The following SP4 variants were observed in gnomAD, a reference collection of about 807,000 sequenced individuals.
The protein encoded by SP4 is transcription factor Sp4.
A neutral mutation model predicts 72.8 loss-of-function variants in SP4; 19 were observed. The observed-to-expected ratio is 0.26, with a 90% CI of 0.18 to 0.38. SP4 has a LOEUF of 0.38. Ranked by LOEUF, SP4 falls within the 10% of genes least tolerant of loss-of-function variation. SP4 has a pLI of 1.00. For synonymous variants in SP4, 395 were observed against 333.1 expected (o/e 1.19, Z -2.02); for missense variants, 1,008 against 926.3 (o/e 1.09, Z -1.14).
chr7:21,438,156 C>G (rs1376611497), intron 3 of SP4, among the ~76,000 whole-genome samples: 2 of 151,972 alleles, frequency 1.3e-5, no homozygotes, highest in African/African-American at 2.4e-5. Flanking sequence ...GGATGTTCAT[C>G]GGTCAAAGAT....
chr7:21,457,767 A>T (rs537415962), intron 3 of SP4, among the ~76,000 whole-genome samples: 2 of 151,856 alleles, frequency 1.3e-5, no homozygotes, highest in East Asian at 1.9e-4. Flanking sequence ...TTTTTTTTCA[A>T]TAGGGGTGTG....
intron 4 of SP4, among the ~76,000 whole-genome samples, chr7:21,478,995 G>A (rs927605104): frequency 6.6e-6 from 1 of 151,736 alleles, no homozygotes; most frequent in African/African-American, 2.4e-5. Context: ...TTGAACCCAG[G>A]AGGCGGAGGT....
At chr7:21,463,762 T>G (rs1583410839) in intron 3 of SP4, among the ~76,000 whole-genome samples, 1 of 152,338 alleles carries the variant, frequency 6.6e-6, no homozygotes, top group East Asian at 1.9e-4. Flanking sequence ...GAACTGATTT[T>G]TTTTCCAAAC....
At position 21,428,202 on chromosome 7, in the gene SP4, C is replaced by CCCCCCCCAAAA; in HGVS notation, c.-49_-48insCCCCCCAAAAC. The CCCCCCCCAAAA allele has an allele frequency of 8.3e-7, 1 of 1,206,786 alleles. No individual in the cohort carries two copies. The allele number at this position is 1,206,786 out of a possible 1,614,324, so 74.8% of individuals were successfully genotyped here. On this transcript the variant is annotated 5_prime_UTR_variant, in exon 1 of 6. Transcript: ENST00000222584. ...CCTCCCGCCTCGCCCCCACCCCCAC[C>CCCCCCCCAAAA]CACCTCTATCCCAGTGTCTCCGTCT...
At chr7:21,504,548 GC>G (rs1245218444) in intron 5 of SP4, among the ~76,000 whole-genome samples, 1 of 152,126 alleles carries the variant, frequency 6.6e-6, no homozygotes, top group Admixed American at 6.5e-5. Context: ...ATGTAGTGGA[GC>G]TTCCCTAAGG....
Position 21,430,720 on chromosome 7 carries a change from C to G in SP4, c.1555C>G (p.Pro519Ala). 1 of 1,614,124 alleles carries G rather than the reference C, an allele frequency of 6.2e-7. No homozygotes were observed. Among genetic ancestry groups the G allele is most frequent in the Non-Finnish European group, 8.5e-7 (1 of 1,180,028 alleles). ...TGCTCCTGTGGCTGTTGCTGGTGCC[C>G]CAATAACTTTGAATACTGCCCAGCT... ...QIAPVAVAGAPITLNTAQLAS... is the reference protein window; with the variant it reads ...QIAPVAVAGAAITLNTAQLAS... Residue 519 changes from proline (P) to alanine (A), a missense_variant, in exon 3 of 6, where the codon CCA (proline) becomes GCA (alanine). Pro to Ala is a conservative substitution (Grantham distance 27). Coordinates refer to ENST00000222584, the MANE Select transcript of SP4 (RefSeq NM_003112.5).
rs747165358 is a variant in SP4, at chr7:21,512,990, C to T, written c.*1721C>T. The T allele has an allele frequency of 7.9e-5, 12 of 152,604 alleles. No individual in the cohort carries two copies. The highest frequency in any genetic ancestry group is 1.3e-4 in the Non-Finnish European group (9 of 68,030). The allele number at this position is 152,604 out of a possible 1,614,324, so 9.5% of individuals were successfully genotyped here. On this transcript the variant is annotated 3_prime_UTR_variant, in exon 6 of 6. Coordinates refer to ENST00000222584, the MANE Select transcript of SP4 (RefSeq NM_003112.5). Reference sequence around the variant, plus strand: ...AAAAGTATTTACACAGAATCATAATCAGTGAAATTGACCATTTGAAAACTA... The same window carrying T: ...AAAAGTATTTACACAGAATCATAATTAGTGAAATTGACCATTTGAAAACTA...
intron 4 of SP4, among the ~76,000 whole-genome samples, chr7:21,481,221 A>T (rs1479614857): frequency 6.6e-6 from 1 of 152,214 alleles, no homozygotes; most frequent in Non-Finnish European, 1.5e-5. Context: ...ACCAGGGGTA[A>T]GATAAGAAAT....
At chr7:21,486,365 C>G (rs1490177574) in intron 5 of SP4, among the ~76,000 whole-genome samples, 1 of 152,086 alleles carries the variant, frequency 6.6e-6, no homozygotes, top group East Asian at 1.9e-4. Context: ...AACATTGTTG[C>G]AATACTATTA....
intron 3 of SP4, among the ~76,000 whole-genome samples, chr7:21,438,650 C>G (rs563216291): frequency 6.6e-6 from 1 of 152,168 alleles, no homozygotes; most frequent in East Asian, 1.9e-4. Flanking sequence ...TCTGTGGGTT[C>G]TGTTACCTGT....
At chr7:21,434,137 G>A (rs200428051) in intron 3 of SP4, among the ~76,000 whole-genome samples, 102 of 152,226 alleles carry the variant, frequency 6.7e-4, no homozygotes, top group African/African-American at 2.4e-3. Context: ...TTCCCCAGGA[G>A]AATGGTATTG....
At chr7:21,442,691 G>A (rs1783299314) in intron 3 of SP4, among the ~76,000 whole-genome samples, 1 of 152,118 alleles carries the variant, frequency 6.6e-6, no homozygotes, top group Non-Finnish European at 1.5e-5. Flanking sequence ...GCCACTTCAG[G>A]TTATGTTGGA....
At chr7:21,438,297 C>CTTCCATCCAGCACATGGCCAGA (rs1783116792) in intron 3 of SP4, among the ~76,000 whole-genome samples, 1 of 152,148 alleles carries the variant, frequency 6.6e-6, no homozygotes, top group Non-Finnish European at 1.5e-5. Flanking sequence ...GTTCTGGGTA[C>CTTCCATCCAGCACATGGCCAGA]TTCCATCCAG....
chr7:21,452,590 C>CCAGT (rs1208636881), intron 3 of SP4, among the ~76,000 whole-genome samples: 1 of 152,130 alleles, frequency 6.6e-6, no homozygotes, highest in East Asian at 1.9e-4. Context: ...GCATGCCATT[C>CCAGT]CAGTCAAAAC....
In SP4 at chr7:21,462,078, T is replaced by G. The variant is rs149884441; in HGVS notation, c.1679-15001T>G. ...GGATCTCACTCTGTTACCCAGGCAG[T>G]GCAGTGGTGTGATCTTGGCTTGCTG... On this transcript the variant is annotated intron_variant, in intron 3 of 5. Coordinates refer to ENST00000222584, the MANE Select transcript of SP4 (RefSeq NM_003112.5). Among the ~76,000 whole-genome samples, 308 of 148,808 alleles carry G rather than the reference T, an allele frequency of 2.1e-3. 2 individuals carry two copies. Among genetic ancestry groups the G allele is most frequent in the African/African-American group, 7.4e-3 (297 of 40,224 alleles).
At chr7:21,436,219 C>T (rs2128391976) in intron 3 of SP4, among the ~76,000 whole-genome samples, 1 of 152,182 alleles carries the variant, frequency 6.6e-6, no homozygotes, top group Admixed American at 6.5e-5. Flanking sequence ...TTTTAATCAT[C>T]TGCTTTTCAA....
intron 3 of SP4, among the ~76,000 whole-genome samples, chr7:21,454,355 C>CCTTTT (rs35111743): frequency 9.4e-5 from 14 of 148,414 alleles, no homozygotes; most frequent in Non-Finnish European, 4.5e-5. Context: ...CTTTTACTAA[C>CCTTTT]TTTTTTTTTT....
chr7:21,453,289 C>G (rs972400376), intron 3 of SP4, among the ~76,000 whole-genome samples: 2 of 152,068 alleles, frequency 1.3e-5, no homozygotes, highest in African/African-American at 4.8e-5. Context: ...TCCTATGTCA[C>G]AATCTCCAGT....
At chr7:21,509,764 T>A (rs1782096348) in intron 5 of SP4, among the ~76,000 whole-genome samples, 1 of 152,228 alleles carries the variant, frequency 6.6e-6, no homozygotes, top group Non-Finnish European at 1.5e-5. Flanking sequence ...TTTTTATTGG[T>A]AAGTCAAAAG....
Sources: gnomAD v4.1 joint callset for allele counts (sites outside exome capture counted in the v4.1 genomes callset) on GRCh38, gnomAD v4.1.1 for gene constraint, MANE v1.5 for transcripts, NCBI Gene and HGNC (gene_info 2026-07-23, HGNC 2026-07-21) for gene names.